Variants in ARCN1 observed in about 807,000 individuals in gnomAD.
ARCN1 encodes the protein coatomer subunit delta.
A neutral mutation model predicts 60.4 loss-of-function variants in ARCN1; 5 were observed. The ratio of observed to expected loss-of-function variants is 0.08; its 90% CI spans 0.04 to 0.17. ARCN1 has a LOEUF of 0.17. Ranked by LOEUF, ARCN1 falls within the 10% of genes least tolerant of loss-of-function variation. The pLI is 1.00. For synonymous variants in ARCN1, 224 were observed against 220.0 expected (o/e 1.02, Z -0.16); for missense variants, 464 against 626.5 (o/e 0.74, Z 2.77).
At chr11:118,589,712 C>T (rs1271265233) in intron 5 of ARCN1, among the ~76,000 whole-genome samples, 6 of 152,222 alleles carry the variant, frequency 3.9e-5, no homozygotes, top group Admixed American at 1.3e-4. Flanking sequence ...TGAGCCACCA[C>T]GCCCGTGAAT....
intron 5 of ARCN1, among the ~76,000 whole-genome samples, chr11:118,586,573 G>A (rs1222891004): frequency 6.6e-6 from 1 of 152,090 alleles, no homozygotes; most frequent in Non-Finnish European, 1.5e-5. Context: ...TGTAATCTTA[G>A]CACTTTGGGA....
chr11:118,588,232 G>C (rs1362026366), intron 5 of ARCN1, among the ~76,000 whole-genome samples: 1 of 152,190 alleles, frequency 6.6e-6, no homozygotes, highest in Admixed American at 6.5e-5. Context: ...ACACAGCAAG[G>C]CCTGTCCAAA....
Position 118,592,746 on chromosome 11 carries a change from A to T in ARCN1, c.1022A>T (p.Glu341Val). Reference sequence around the variant, plus strand: ...GTGGATAAAAAACTTTTCACTGCAGAGTCTCTAATTGGCCTGAAGAATCCA... The same window carrying T: ...GTGGATAAAAAACTTTTCACTGCAGTGTCTCTAATTGGCCTGAAGAATCCA... ...PNVDKKLFTA[E>V]SLIGLKNPEK... The change falls in exon 7 of 10, where the codon GAG becomes GTG. Residue 341 changes from glutamate (E) to valine (V), a missense_variant. This residue lies in a region of ARCN1 where 359 missense variants were observed against 440.2 expected (regional missense o/e 0.82). Transcript: ENST00000264028. The T allele has an allele frequency of 6.2e-7, 1 of 1,614,036 alleles. No individual in the cohort carries two copies. Among genetic ancestry groups the T allele is most frequent in the South Asian group, 1.1e-5 (1 of 91,082 alleles).
chr11:118,602,061 G>C lies in ARCN1; in HGVS notation c.*1347G>C, dbSNP rs1555078233. 3.5e-6 allele frequency: 1 copy of C among 282,150 alleles called. No individual in the cohort carries two copies. Among genetic ancestry groups the C allele is most frequent in the Non-Finnish European group, 6.7e-6 (1 of 149,064 alleles). The allele number at this position is 282,150 out of a possible 1,614,324, so 17.5% of individuals were successfully genotyped here. ...TATGATTTTGAAGGCTGTGGGTTCA[G>C]GGAGTCTTTGCCAATCCTGTTGGCC... On this transcript the variant is annotated 3_prime_UTR_variant, in exon 10 of 10. Transcript: ENST00000264028.
intron 2 of ARCN1, among the ~76,000 whole-genome samples, chr11:118,581,937 G>GACACACACACACACACACAC (rs34532442): frequency 1.3e-4 from 19 of 140,808 alleles, no homozygotes; most frequent in East Asian, 7.8e-4. Flanking sequence ...CAGACAGACA[G>GACACACACACACACACACAC]ACACACACAC....
At chr11:118,588,966 C>T (rs1036775985) in intron 5 of ARCN1, among the ~76,000 whole-genome samples, 1 of 151,930 alleles carries the variant, frequency 6.6e-6, no homozygotes, top group Non-Finnish European at 1.5e-5. Flanking sequence ...TGCAGTGAGC[C>T]GAGATCACGC....
chr11:118,588,137 C>T (rs1490359961), intron 5 of ARCN1, among the ~76,000 whole-genome samples: 2 of 152,172 alleles, frequency 1.3e-5, no homozygotes, highest in Non-Finnish European at 2.9e-5. Flanking sequence ...TTTATGGAGA[C>T]TTCATTGGAT....
At chr11:118,588,157 T>G (rs2135547176) in intron 5 of ARCN1, among the ~76,000 whole-genome samples, 1 of 152,310 alleles carries the variant, frequency 6.6e-6, no homozygotes, top group East Asian at 1.9e-4. Context: ...TAGGCATGAT[T>G]GACAGGCATG....
rs781811043 is a variant in ARCN1 at position 118,592,789 on chromosome 11, C to T, written c.1065C>T (p.Val355=). The T allele has an allele frequency of 1.2e-6, 2 of 1,614,052 alleles. No homozygotes were observed. The highest frequency in any genetic ancestry group is 8.5e-7 in the Non-Finnish European group (1 of 1,179,972). ...AGAATCCAGAGAAGTCATTTCCAGT[C>T]AACAGTGACGTAGGGGTGCTAAAGT... The part of the protein sequence containing the change: ...GLKNPEKSFP[V]NSDVGVLKWR... The change falls in exon 7 of 10, where the codon GTC becomes GTT. Residue 355 remains valine, a synonymous_variant. Coordinates refer to ENST00000264028, the MANE Select transcript of ARCN1 (RefSeq NM_001655.5).
chr11:118,589,227 TAGAG>T (rs1409121324), intron 5 of ARCN1, among the ~76,000 whole-genome samples: 2 of 152,218 alleles, frequency 1.3e-5, no homozygotes, highest in East Asian at 1.9e-4. Context: ...ATATAATGTT[TAGAG>T]AGAGAGAAAC....
intron 8 of ARCN1, 57 bp downstream of exon 8, chr11:118,593,755 T>C: frequency 8.0e-7 from 1 of 1,251,886 alleles, no homozygotes; most frequent in East Asian, 2.4e-5. Context: ...CTTTTGGAAC[T>C]CATTTTGGAG....
intron 1 of ARCN1, chr11:118,572,947 G>A: frequency 4.2e-6 from 1 of 235,866 alleles, no homozygotes; most frequent in Non-Finnish European, 8.2e-6. Context: ...CCTGTCTCCG[G>A]AGGTTCTGGT....
chr11:118,580,265 G>A (rs1269007127), intron 1 of ARCN1, among the ~76,000 whole-genome samples: 3 of 152,122 alleles, frequency 2.0e-5, no homozygotes, highest in African/African-American at 4.8e-5. Context: ...TTGAGGCTAC[G>A]GTGAGCCAAG....
chr11:118,586,231 G>A (rs1555075477), intron 5 of ARCN1, among the ~76,000 whole-genome samples: 3 of 152,122 alleles, frequency 2.0e-5, no homozygotes, highest in Non-Finnish European at 2.9e-5. Context: ...AAGTGGCTGG[G>A]ATTACAGGTG....
intron 5 of ARCN1, 109 bp downstream of exon 5, chr11:118,584,753 C>G (rs185885676): frequency 1.9e-6 from 2 of 1,037,188 alleles, no homozygotes; most frequent in Admixed American, 3.1e-5. Context: ...TTTAATCGTT[C>G]CTGATTTAAA....
At chr11:118,575,921 C>CAGTGGGTATAAAA (rs1555073441) in intron 1 of ARCN1, among the ~76,000 whole-genome samples, 1 of 151,476 alleles carries the variant, frequency 6.6e-6, no homozygotes, top group Non-Finnish European at 1.5e-5. Context: ...GTGGTTAGAA[C>CAGTGGGTATAAAA]TGGAGCAGTG....
At chr11:118,593,191 G>C (rs1938950542) in intron 7 of ARCN1, among the ~76,000 whole-genome samples, 1 of 151,738 alleles carries the variant, frequency 6.6e-6, no homozygotes, top group Non-Finnish European at 1.5e-5. Flanking sequence ...AGCCTCTTTA[G>C]TAGCTGGGAC....
chr11:118,596,768 C>T (rs577142001), intron 8 of ARCN1, among the ~76,000 whole-genome samples: 6 of 152,316 alleles, frequency 3.9e-5, no homozygotes, highest in Admixed American at 3.3e-4. Flanking sequence ...AGGACAACTA[C>T]GGATCTGTTT....
In ARCN1 at chr11:118,600,706, A is replaced by G. The variant is rs868918609; in HGVS notation, c.1528A>G (p.Ile510Val). Residue 510 changes from isoleucine (I) to valine (V), a missense_variant, in exon 10 of 10, where the codon ATT becomes GTT. By Grantham distance (29) the Ile-to-Val change is conservative. Transcript: ENST00000264028. ...CACTTTCCTAGTGGATAAGTATGAA[A>G]TTCTGTAATACCAAGAAGAGGGAGC... ...ETTFLVDKYE[I>V]L 8 of 1,605,662 alleles carry G rather than the reference A, an allele frequency of 5.0e-6. No homozygotes were observed. In the African/African-American group the frequency reaches 6.7e-5, roughly 13 times the overall value.
Sources: allele counts gnomAD v4.1 joint callset (sites outside exome capture counted in the v4.1 genomes callset), GRCh38; gene constraint gnomAD v4.1.1; regional missense constraint gnomAD v4.1.1; transcripts MANE v1.5; gene names NCBI Gene and HGNC (gene_info 2026-07-23, HGNC 2026-07-21).